HEATR1: variants seen among roughly 807,000 people sequenced by gnomAD.
The protein encoded by HEATR1 is HEAT repeat containing 1, also known as HEAT repeat-containing protein 1.
Under a neutral mutation model 248.2 loss-of-function variants are expected in HEATR1, and 77 were observed. That is an observed-to-expected ratio of 0.31 (90% CI 0.26 to 0.37). The LOEUF (loss-of-function observed/expected upper bound fraction) is 0.37, where lower values mean the gene tolerates loss of function less well. HEATR1 is among the 10% of genes least tolerant of loss of function. HEATR1 has a pLI of 1.00. For missense variants in HEATR1, 2,420 were observed against 2,504.9 expected (o/e 0.97, Z 0.72); for synonymous variants, 897 against 923.1 (o/e 0.97, Z 0.51).
intron 38 of HEATR1, 48 bp from the exon 39 acceptor site, chr1:236,555,987 G>A (rs1384170154): frequency 6.2e-7 from 1 of 1,607,970 alleles, no homozygotes; most frequent in Admixed American, 1.7e-5. Context: ...ATGATTCCTA[G>A]AGTTCAGCGG....
chr1:236,563,296 T>TC (rs771501123), intron 32 of HEATR1, among the ~76,000 whole-genome samples: 15 of 152,018 alleles, frequency 9.9e-5, no homozygotes, highest in Admixed American at 5.9e-4. Context: ...TTTTATTTTT[T>TC]CAGACAGAAT....
rs1662650335 is a variant in HEATR1 at position 236,550,057 on chromosome 1, A to G, written c.*845T>C. The G allele has an allele frequency of 6.6e-6, 1 of 152,152 alleles. No individual in the cohort carries two copies. Among genetic ancestry groups the G allele is most frequent in the African/African-American group, 2.4e-5 (1 of 41,422 alleles). 9.4% of individuals were successfully genotyped at this position (152,152 alleles called of 1,614,324 possible). On this transcript the variant is annotated 3_prime_UTR_variant, in exon 45 of 45. Coordinates refer to ENST00000366582, the MANE Select transcript of HEATR1 (RefSeq NM_018072.6). ...AGGGGGCAGATCTAATTTTATTTGA[A>G]CCCTCACTTTCCAACTTCACCATGA...
chr1:236,602,124 G>T (rs1006077184), intron 3 of HEATR1, among the ~76,000 whole-genome samples: 19 of 151,952 alleles, frequency 1.3e-4, no homozygotes, highest in Non-Finnish European at 2.4e-4. Flanking sequence ...GGGCGACAGT[G>T]CGAGACTGTC....
chr1:236,556,477 T>C (rs1484260273), intron 37 of HEATR1, among the ~76,000 whole-genome samples: 2 of 152,206 alleles, frequency 1.3e-5, no homozygotes, highest in African/African-American at 4.8e-5. Flanking sequence ...AGGCCGATGG[T>C]AGACGCAGAC....
chr1:236,575,200 G>A (rs1241414461), intron 22 of HEATR1, among the ~76,000 whole-genome samples: 1 of 152,170 alleles, frequency 6.6e-6, no homozygotes, highest in East Asian at 1.9e-4. Flanking sequence ...AAACTTTAGA[G>A]AATAAAAATA....
At chr1:236,563,161 A>C (rs1383051101) in intron 32 of HEATR1, among the ~76,000 whole-genome samples, 1 of 152,244 alleles carries the variant, frequency 6.6e-6, no homozygotes, top group Non-Finnish European at 1.5e-5. Flanking sequence ...TAGCAGGCAC[A>C]CCATTAATAT....
At chr1:236,600,820 C>A (rs1283571940) in intron 3 of HEATR1, among the ~76,000 whole-genome samples, 2 of 152,196 alleles carry the variant, frequency 1.3e-5, no homozygotes, top group African/African-American at 4.8e-5. Context: ...CAGGCGTGAG[C>A]CACTGAACCC....
intron 37 of HEATR1, 27 bp from the exon 38 acceptor site, chr1:236,556,285 G>C (rs1662974808): frequency 1.2e-6 from 2 of 1,611,964 alleles, no homozygotes; most frequent in Admixed American, 3.3e-5. Context: ...AAAGTGATCA[G>C]GGCCACTGCA....
intron 24 of HEATR1, among the ~76,000 whole-genome samples, chr1:236,573,443 A>G (rs1663483273): frequency 6.6e-6 from 1 of 152,192 alleles, no homozygotes; most frequent in African/African-American, 2.4e-5. Context: ...AAATCTTTGG[A>G]TTCTGATTCA....
intron 12 of HEATR1, among the ~76,000 whole-genome samples, chr1:236,589,872 A>T (rs994331160): frequency 6.6e-6 from 1 of 152,254 alleles, no homozygotes; most frequent in African/African-American, 2.4e-5. Flanking sequence ...TTTGAAGGCT[A>T]TGTAAAAAAA....
In HEATR1 at chr1:236,554,574, C is replaced by T. The variant is rs370307768; in HGVS notation, c.6078+24G>A. ...CGAACAGTGATGGCTTCCTCAGCAA[C>T]GAAAGATGATTCTGTTTGGTTACCT... On this transcript the variant is annotated intron_variant, in intron 42 of 44. Transcript: ENST00000366582. 553 of 1,605,756 alleles carry T rather than the reference C, an allele frequency of 3.4e-4. 1 individual carries two copies. Among genetic ancestry groups the T allele is most frequent in the Non-Finnish European group, 4.2e-4 (491 of 1,177,530 alleles).
chr1:236,595,608 T>G lies in HEATR1; in HGVS notation c.1022A>C (p.Tyr341Ser). The change falls in exon 8 of 45, where the codon TAC (tyrosine) becomes TCC (serine). Residue 341 changes from tyrosine to serine, a missense_variant. Tyr to Ser is a moderately radical substitution (Grantham distance 144, BLOSUM62 -2). Coordinates refer to ENST00000366582, the MANE Select transcript of HEATR1 (RefSeq NM_018072.6). ...ITILHGISET[Y>S]DVSPLLHYML... ...GTAATGCAGAAGAGGACTGACATCG[T>G]AAGTTTCAGAAATCCCATGAAGTAT... The G allele has an allele frequency of 6.2e-7, 1 of 1,609,252 alleles. No homozygotes were observed. The highest frequency in any genetic ancestry group is 8.5e-7 in the Non-Finnish European group (1 of 1,175,502).
intron 32 of HEATR1, among the ~76,000 whole-genome samples, chr1:236,563,358 T>C (rs2103129021): frequency 6.6e-6 from 1 of 152,206 alleles, no homozygotes; most frequent in South Asian, 2.1e-4. Flanking sequence ...CTTGGCTCAC[T>C]GCAAGCTATG....
chr1:236,553,744 G>C lies in HEATR1; in HGVS notation c.6079-5C>G. The C allele has an allele frequency of 6.2e-7, 1 of 1,610,030 alleles. No individual in the cohort carries two copies. Among genetic ancestry groups the C allele is most frequent in the East Asian group, 2.2e-5 (1 of 44,806 alleles). ...TCCCCCAAGCCTGTTTTCCAGCTAG[G>C]AAGAGTAAGACAAAGACTTTGAACA... On this transcript the variant is annotated splice_polypyrimidine_tract_variant and splice_region_variant and intron_variant, in intron 42 of 44. Transcript: ENST00000366582.
rs747436682 is a variant in HEATR1, at chr1:236,587,501, A to C, written c.1627-11T>G. ...GTGTTCTTTGAAAATCTAAAGGGAA[A>C]AAAATATCCAGAGTAGATTTGTACT... On this transcript the variant is annotated splice_polypyrimidine_tract_variant and intron_variant, in intron 13 of 44. Transcript: ENST00000366582. 1 of 1,378,828 alleles carries C rather than the reference A, an allele frequency of 7.3e-7. No individual in the cohort carries two copies. Among genetic ancestry groups the C allele is most frequent in the Non-Finnish European group, 9.9e-7 (1 of 1,012,904 alleles). 85.4% of individuals were successfully genotyped at this position (1,378,828 alleles called of 1,614,324 possible).
chr1:236,576,947 C>A lies in HEATR1; in HGVS notation c.2758G>T (p.Val920Leu). 1.3e-6 allele frequency: 2 copies of A among 1,558,450 alleles called. No individual in the cohort carries two copies. Among genetic ancestry groups the A allele is most frequent in the Non-Finnish European group, 8.6e-7 (1 of 1,157,808 alleles). Residue 920 changes from valine (V) to leucine (L), a missense_variant and splice_region_variant, in exon 21 of 45, where the codon GTG becomes TTG. By Grantham distance (32) the Val-to-Leu change is conservative. Transcript: ENST00000366582. ...CCCAGGTTAATGAGTAAAGATGTCACCACTAAAATCAAAGGAAAAAAAAAT... is the reference window on the plus strand; with the variant it reads ...CCCAGGTTAATGAGTAAAGATGTCAACACTAAAATCAAAGGAAAAAAAAAT... ...HQLASISSPV[V>L]TSLLINLGSP...
intron 14 of HEATR1, among the ~76,000 whole-genome samples, chr1:236,586,746 T>A (rs533804036): frequency 5.9e-4 from 90 of 151,636 alleles, no homozygotes; most frequent in African/African-American, 1.8e-3. Flanking sequence ...AAAAAAAAAA[T>A]AATAATTTTT....
At position 236,595,648 on chromosome 1, in the gene HEATR1, G is replaced by A. The variant is rs776956674; in HGVS notation, c.982C>T (p.Pro328Ser). The change falls in exon 8 of 45, where the codon CCT (proline) becomes TCT (serine). Residue 328 changes from proline to serine, a missense_variant. Coordinates refer to ENST00000366582, the MANE Select transcript of HEATR1 (RefSeq NM_018072.6). The part of the protein sequence containing the change: ...KKPFPHLCNV[P>S]DLITILHGIS... ...CCATGAAGTATTGTAATAAGATCAGGAACATTACATAAGTGAGGGAATGGC... is the reference window on the plus strand; with the variant it reads ...CCATGAAGTATTGTAATAAGATCAGAAACATTACATAAGTGAGGGAATGGC... 13 of 1,611,874 alleles carry A rather than the reference G, an allele frequency of 8.1e-6. No individual in the cohort carries two copies. The South Asian group carries it at 1.3e-4, about 16-fold the overall frequency.
rs1447769643 is a variant in HEATR1, at chr1:236,598,432, C to A, written c.502-453G>T. Among the ~76,000 whole-genome samples, 6 of 152,242 alleles carry A rather than the reference C, an allele frequency of 3.9e-5. No individual in the cohort carries two copies. The East Asian group carries it at 5.8e-4, about 15-fold the overall frequency. ...GTATGTAATAGATGCTCCATAAATA[C>A]TGATTAAATAAATGAAAGGAGAATT... is the stretch of plus-strand genomic sequence containing the variant. On this transcript the variant is annotated intron_variant, in intron 4 of 44. Coordinates refer to ENST00000366582, the MANE Select transcript of HEATR1 (RefSeq NM_018072.6).
Sources: allele counts gnomAD v4.1 joint callset (sites outside exome capture counted in the v4.1 genomes callset), GRCh38; gene constraint gnomAD v4.1.1; transcripts MANE v1.5; gene names NCBI Gene and HGNC (gene_info 2026-07-23, HGNC 2026-07-21).